The following ODR4 variants were observed in gnomAD, a reference collection of about 807,000 sequenced individuals.
ODR4 encodes protein odr-4 homolog.
ODR4 carries 47 observed loss-of-function variants against 60.2 expected under a neutral mutation model. That is an observed-to-expected ratio of 0.78 (90% CI 0.62 to 1.00). The LOEUF (loss-of-function observed/expected upper bound fraction) is 1.00, where lower values mean the gene tolerates loss of function less well. ODR4 is among the 50% of genes least tolerant of loss of function. ODR4 has a pLI of 0.00. For missense variants in ODR4, 488 were observed against 530.8 expected, an observed-to-expected ratio of 0.92 and a Z score of 0.79; for synonymous variants, 178 against 175.5, an observed-to-expected ratio of 1.01 and a Z score of -0.11.
At chr1:186,399,987 T>C (rs1056823851) in intron 11 of ODR4, among the ~76,000 whole-genome samples, 6 of 147,080 alleles carry the variant, frequency 4.1e-5, no homozygotes, top group East Asian at 1.9e-4. Context: ...TCTTTTTTTT[T>C]TTCTTTTTTT....
chr1:186,402,956 G>T (rs1243532921), intron 11 of ODR4, among the ~76,000 whole-genome samples: 2 of 152,138 alleles, frequency 1.3e-5, no homozygotes, highest in Non-Finnish European at 2.9e-5. Context: ...GATGATGTTT[G>T]TAAGGCCCCT....
At chr1:186,433,080 G>A in the ODR4 span, among the ~76,000 whole-genome samples, 8 of 152,044 alleles carry the variant, frequency 5.3e-5, no homozygotes, top group East Asian at 3.9e-4. Flanking sequence ...TACCGCACCC[G>A]GCCAGATATT....
At chr1:186,422,479 T>G (rs1355375656), downstream of ODR4, among the ~76,000 whole-genome samples, 1 of 152,030 alleles carries the variant, frequency 6.6e-6, no homozygotes, top group Non-Finnish European at 1.5e-5. Context: ...ATTAAACAAT[T>G]AAAGAATATT....
At chr1:186,384,292 C>CTT (rs143858607) in intron 3 of ODR4, among the ~76,000 whole-genome samples, 5 of 147,368 alleles carry the variant, frequency 3.4e-5, no homozygotes, top group African/African-American at 7.5e-5. Context: ...AGGTGCTAGG[C>CTT]TTTTTTTTTT....
At chr1:186,395,884 A>G (rs991876120) in intron 9 of ODR4, among the ~76,000 whole-genome samples, 4 of 152,142 alleles carry the variant, frequency 2.6e-5, no homozygotes, top group African/African-American at 4.8e-5. Flanking sequence ...AAATTTCTTA[A>G]GTGTTCTGTA....
intron 13 of ODR4, among the ~76,000 whole-genome samples, chr1:186,418,299 T>C (rs1661658279): frequency 6.8e-6 from 1 of 146,586 alleles, no homozygotes; most frequent in African/African-American, 2.5e-5. Context: ...CTTTTTTTTT[T>C]TTTTTTTTTG....
At chr1:186,382,376 G>T (rs1052681931) in intron 2 of ODR4, among the ~76,000 whole-genome samples, 1 of 151,688 alleles carries the variant, frequency 6.6e-6, no homozygotes, top group Non-Finnish European at 1.5e-5. Context: ...AGTGAGCTAT[G>T]ATCACACCAC....
chr1:186,401,466 TTCTG>T (rs34860338), intron 11 of ODR4: 59 of 203,008 alleles, frequency 2.9e-4, no homozygotes, highest in Middle Eastern at 2.0e-3. Context: ...TCGTCCGTCT[TTCTG>T]TCTGTCTTTC....
intron 11 of ODR4, 97 bp downstream of exon 11, chr1:186,399,141 A>C: frequency 1.2e-6 from 1 of 803,822 alleles, no homozygotes; most frequent in Non-Finnish European, 2.1e-6. Context: ...ATAGCTACCT[A>C]TCTATATTTT....
Position 186,417,594 on chromosome 1 carries a change from G to T in ODR4, c.1237G>T (p.Asp413Tyr). Reference sequence around the variant, plus strand: ...TCAAGCTTCATTGGACAACACAGATGATGAACAACCAAAACAACCAATTAA... The same window carrying T: ...TCAAGCTTCATTGGACAACACAGATTATGAACAACCAAAACAACCAATTAA... ...NSQASLDNTDDEQPKQPIKTT... is the reference protein window; with the variant it reads ...NSQASLDNTDYEQPKQPIKTT... Residue 413 changes from aspartate (D) to tyrosine (Y), a missense_variant, in exon 13 of 14, where the codon GAT becomes TAT. Asp to Tyr is a radical substitution (Grantham distance 160). Coordinates refer to ENST00000287859, the MANE Select transcript of ODR4 (RefSeq NM_017847.6). The T allele has an allele frequency of 6.2e-7, 1 of 1,604,174 alleles. No individual in the cohort carries two copies. Among genetic ancestry groups the T allele is most frequent in the South Asian group, 1.1e-5 (1 of 89,374 alleles).
chr1:186,406,393 AT>A (rs1376085790), intron 12 of ODR4, 125 bp downstream of exon 12: 1 of 575,436 alleles, frequency 1.7e-6, no homozygotes, highest in African/African-American at 1.9e-5. Context: ...ACACTTCGAA[AT>A]ATTAACTGAG....
chr1:186,434,348 G>A, the ODR4 span, among the ~76,000 whole-genome samples: 1 of 152,022 alleles, frequency 6.6e-6, no homozygotes, highest in Non-Finnish European at 1.5e-5. Flanking sequence ...TTTAAAAAAT[G>A]TCTAATTAGA....
intron 13 of ODR4, 99 bp from the exon 14 acceptor site, chr1:186,418,910 T>C (rs1661686700): frequency 4.3e-6 from 4 of 938,240 alleles, no homozygotes; most frequent in Non-Finnish European, 1.7e-6. Flanking sequence ...GTATTGTTTT[T>C]TAGGCCCATC....
intron 11 of ODR4, chr1:186,401,380 A>G (rs1660938610): frequency 4.4e-6 from 2 of 458,552 alleles, no homozygotes; most frequent in Non-Finnish European, 8.1e-6. Context: ...GGAAAGAGCA[A>G]AGACTTTGAA....
In ODR4 at chr1:186,418,990, G is replaced by C; in HGVS notation, c.1298-19G>C. ...TGCTCATTCCATTTTCATTTGTTCT[G>C]TGTTTGTTTTACTTTTAGGTGTGAT... is the stretch of plus-strand genomic sequence containing the variant. On this transcript the variant is annotated intron_variant, in intron 13 of 13. Transcript: ENST00000287859. The C allele has an allele frequency of 2.5e-6, 4 of 1,592,566 alleles. No homozygotes were observed. Among genetic ancestry groups the C allele is most frequent in the Non-Finnish European group, 3.4e-6 (4 of 1,168,222 alleles).
At chr1:186,416,941 C>T (rs913562080) in intron 12 of ODR4, among the ~76,000 whole-genome samples, 1 of 150,718 alleles carries the variant, frequency 6.6e-6, no homozygotes, top group Non-Finnish European at 1.5e-5. Flanking sequence ...ATCTCTACTA[C>T]TATATAGTAA....
rs533859519 is a variant in ODR4, at chr1:186,417,705, T to G, written c.1297+51T>G. 13 of 986,848 alleles carry G rather than the reference T, an allele frequency of 1.3e-5. No homozygotes were observed. The Admixed American group carries it at 1.3e-4, about 10-fold the overall frequency. The allele number at this position is 986,848 out of a possible 1,614,324, so 61.1% of individuals were successfully genotyped here. The stretch of plus-strand genomic sequence containing the variant: ...CACTGAAAACATATTTAGATTTGAG[T>G]TTTCTTGTTACTTTAAGATCTTTGT... On this transcript the variant is annotated intron_variant, in intron 13 of 13. Transcript: ENST00000287859.
At chr1:186,378,236 C>A (rs1279404010) in intron 1 of ODR4, among the ~76,000 whole-genome samples, 1 of 152,166 alleles carries the variant, frequency 6.6e-6, no homozygotes, top group Non-Finnish European at 1.5e-5. Context: ...TATACCACCC[C>A]AGCATATCTC....
In ODR4 at chr1:186,400,906, A is replaced by C. The variant is rs1023232076; in HGVS notation, c.1000+1862A>C. ...ACCTGTTCACATAGTCCATCAGTCT[A>C]GCAGCCCCATCTCAGTGTGGCTTTG... On this transcript the variant is annotated intron_variant, in intron 11 of 13. Coordinates refer to ENST00000287859, the MANE Select transcript of ODR4 (RefSeq NM_017847.6). 1.7e-5 allele frequency: 12 copies of C among 719,068 alleles called. No individual in the cohort carries two copies. In the African/African-American group the frequency reaches 2.1e-4, roughly 13 times the overall value. 44.5% of individuals were successfully genotyped at this position (719,068 alleles called of 1,614,324 possible).
Sources: allele counts gnomAD v4.1 joint callset (sites outside exome capture counted in the v4.1 genomes callset), GRCh38; gene constraint gnomAD v4.1.1; transcripts MANE v1.5; gene names NCBI Gene and HGNC (gene_info 2026-07-23, HGNC 2026-07-21).